PTPRJ: variants seen among roughly 807,000 people sequenced by gnomAD.
The protein encoded by PTPRJ is receptor-type tyrosine-protein phosphatase eta.
A neutral mutation model predicts 141.3 loss-of-function variants in PTPRJ; 129 were observed. The observed-to-expected ratio is 0.91, with a 90% CI of 0.79 to 1.06. PTPRJ has a LOEUF of 1.06. Among genes scored for constraint, PTPRJ ranks in the 50% least tolerant of loss-of-function variants. PTPRJ has a pLI of 0.00. For missense variants in PTPRJ, 1,601 were observed against 1,679.7 expected, an observed-to-expected ratio of 0.95 and a Z score of 0.82; for synonymous variants, 610 against 640.5, an observed-to-expected ratio of 0.95 and a Z score of 0.72.
rs1857104892 is a variant in PTPRJ at position 48,136,433 on chromosome 11, C to G, written c.1873+137C>G. ...CTGCTGAAGTTGAAAACATTGGTCTCAGCAATGGTTCTGCTGTCACCATGG... is the reference window on the plus strand; with the variant it reads ...CTGCTGAAGTTGAAAACATTGGTCTGAGCAATGGTTCTGCTGTCACCATGG... On this transcript the variant is annotated intron_variant, in intron 9 of 24. Transcript: ENST00000418331. The G allele has an allele frequency of 3.7e-6, 4 of 1,073,872 alleles. No homozygotes were observed. In the East Asian group the frequency reaches 9.5e-5, roughly 26 times the overall value. The allele number at this position is 1,073,872 out of a possible 1,614,324, so 66.5% of individuals were successfully genotyped here.
At chr11:48,052,746 G>A (rs376902836) in intron 1 of PTPRJ, among the ~76,000 whole-genome samples, 133 of 152,220 alleles carry the variant, frequency 8.7e-4, no homozygotes, top group Middle Eastern at 6.8e-3. Context: ...CTACCTTACC[G>A]CCATTAATAC....
intron 1 of PTPRJ, among the ~76,000 whole-genome samples, chr11:48,055,189 A>AT (rs1854720430): frequency 2.7e-5 from 4 of 148,620 alleles, no homozygotes; most frequent in African/African-American, 1.0e-4. Context: ...CCATCTCTAA[A>AT]TAAAAAAAAA....
At chr11:47,994,922 T>TG in intron 1 of PTPRJ, among the ~76,000 whole-genome samples, 1 of 152,130 alleles carries the variant, frequency 6.6e-6, no homozygotes, top group Admixed American at 6.5e-5. Flanking sequence ...GCAGACCCTC[T>TG]GGGGGTGTGA....
Position 48,136,142 on chromosome 11 carries a change from A to G in PTPRJ, c.1719A>G (p.Leu573=). ...GTGCTTCCGAGTATGTCTACCATTT[A>G]GTCATAGAGTCCAAGCATGGCTCTA... ...PDGASEYVYH[L]VIESKHGSNH... is the part of the protein sequence containing the mutation. Residue 573 remains leucine, a synonymous_variant, in exon 9 of 25, where the codon TTA becomes TTG. Coordinates refer to ENST00000418331, the MANE Select transcript of PTPRJ (RefSeq NM_002843.4). 2 of 1,614,194 alleles carry G rather than the reference A, an allele frequency of 1.2e-6. No individual in the cohort carries two copies. Among genetic ancestry groups the G allele is most frequent in the Non-Finnish European group, 8.5e-7 (1 of 1,180,026 alleles).
chr11:48,137,034 T>C lies in PTPRJ; in HGVS notation c.1905T>C (p.Ser635=). The C allele has an allele frequency of 6.2e-7, 1 of 1,606,134 alleles. No individual in the cohort carries two copies. The highest frequency in any genetic ancestry group is 8.5e-7 in the Non-Finnish European group (1 of 1,172,746). Residue 635 remains serine, a synonymous_variant, in exon 10 of 25, where the codon AGT becomes AGC. Coordinates refer to ENST00000418331, the MANE Select transcript of PTPRJ (RefSeq NM_002843.4). ...GCAATGTGTCCAACATTGATGTAAG[T>C]ACCAACACCACAGCAGCAACTTTAA... ...RPSNVSNIDV[S]TNTTAATLSW...
At chr11:48,104,371 G>C (rs1256506306) in intron 1 of PTPRJ, among the ~76,000 whole-genome samples, 1 of 152,208 alleles carries the variant, frequency 6.6e-6, no homozygotes, top group African/African-American at 2.4e-5. Flanking sequence ...CAGGAAGAAT[G>C]ATGGCCTTTC....
At chr11:48,038,058 C>T (rs1322914391) in intron 1 of PTPRJ, among the ~76,000 whole-genome samples, 1 of 151,906 alleles carries the variant, frequency 6.6e-6, no homozygotes, top group Non-Finnish European at 1.5e-5. Context: ...ATGGTTTGGC[C>T]TCTTGGTCTG....
chr11:48,163,369 G>C (rs1296457025), intron 22 of PTPRJ, 89 bp from the exon 23 acceptor site: 6 of 1,259,370 alleles, frequency 4.8e-6, no homozygotes, highest in Admixed American at 1.8e-5. Flanking sequence ...CTCCTGGTTA[G>C]TACTCAGGCT....
chr11:48,010,832 G>A (rs1032462077), intron 1 of PTPRJ, among the ~76,000 whole-genome samples: 1 of 151,918 alleles, frequency 6.6e-6, no homozygotes, highest in African/African-American at 2.4e-5. Context: ...CACCATGCCT[G>A]GCCTATTATT....
At chr11:48,054,291 G>C (rs1172089763) in intron 1 of PTPRJ, among the ~76,000 whole-genome samples, 1 of 152,180 alleles carries the variant, frequency 6.6e-6, no homozygotes, top group Non-Finnish European at 1.5e-5. Context: ...ACTTGGACAG[G>C]GGGCCCCATT....
chr11:48,084,615 G>A (rs1855648662), intron 1 of PTPRJ, among the ~76,000 whole-genome samples: 1 of 152,172 alleles, frequency 6.6e-6, no homozygotes, highest in Admixed American at 6.5e-5. Context: ...GCCCTGATTG[G>A]TTGATACAGC....
intron 3 of PTPRJ, among the ~76,000 whole-genome samples, chr11:48,116,430 T>C (rs1856568435): frequency 6.6e-6 from 1 of 152,170 alleles, no homozygotes; most frequent in African/African-American, 2.4e-5. Context: ...ATAAAGCAAA[T>C]ATTAATGGAT....
intron 1 of PTPRJ, among the ~76,000 whole-genome samples, chr11:48,010,121 C>A (rs1277058624): frequency 1.3e-5 from 2 of 152,206 alleles, no homozygotes; most frequent in Non-Finnish European, 2.9e-5. Context: ...AGACGGGGTT[C>A]TCCAAGGACA....
intron 12 of PTPRJ, among the ~76,000 whole-genome samples, chr11:48,144,333 A>G (rs1457386791): frequency 6.6e-6 from 1 of 152,236 alleles, no homozygotes; most frequent in Non-Finnish European, 1.5e-5. Context: ...GCCTGTGATT[A>G]GATGAAACCT....
intron 24 of PTPRJ, among the ~76,000 whole-genome samples, chr11:48,165,373 A>G (rs563650551): frequency 3.9e-5 from 6 of 152,232 alleles, no homozygotes; most frequent in Non-Finnish European, 5.9e-5. Flanking sequence ...CTTAATATCT[A>G]TGGTATAGTT....
At chr11:48,052,956 T>C (rs1017085408) in intron 1 of PTPRJ, among the ~76,000 whole-genome samples, 4 of 149,654 alleles carry the variant, frequency 2.7e-5, no homozygotes, top group Admixed American at 1.4e-4. Flanking sequence ...AGGACCCTGG[T>C]GTGGAGTTGG....
intron 1 of PTPRJ, among the ~76,000 whole-genome samples, chr11:48,102,523 G>A (rs1019048404): frequency 1.3e-5 from 2 of 151,702 alleles, no homozygotes; most frequent in Non-Finnish European, 2.9e-5. Context: ...ATTCTCCTGC[G>A]TCAGCCTCCC....
Position 47,981,085 on chromosome 11 carries a change from C to T in PTPRJ, c.96+77C>T, listed in dbSNP as rs1590377859. The T allele has an allele frequency of 4.3e-6, 5 of 1,173,332 alleles. No homozygotes were observed. The East Asian group carries it at 1.8e-4, about 42-fold the overall frequency. 72.7% of individuals were successfully genotyped at this position (1,173,332 alleles called of 1,614,324 possible). ...CATTGACTGCACCTGCCCGAGCGTA[C>T]CCCCCCGGGGGGTTCCGGGGAAGGG... On this transcript the variant is annotated intron_variant, in intron 1 of 24. Coordinates refer to ENST00000418331, the MANE Select transcript of PTPRJ (RefSeq NM_002843.4).
intron 1 of PTPRJ, among the ~76,000 whole-genome samples, chr11:48,097,525 G>A (rs1411895961): frequency 6.6e-6 from 1 of 152,020 alleles, no homozygotes; most frequent in Non-Finnish European, 1.5e-5. Flanking sequence ...AGATTAAATG[G>A]TTCCACCTGA....
Sources: allele counts gnomAD v4.1 joint callset (sites outside exome capture counted in the v4.1 genomes callset), GRCh38; gene constraint gnomAD v4.1.1; transcripts MANE v1.5; gene names NCBI Gene and HGNC (gene_info 2026-07-23, HGNC 2026-07-21).